ATP8A1: variants seen among roughly 807,000 people sequenced by gnomAD.
ATP8A1 encodes ATPase phospholipid transporting 8A1, also known as phospholipid-transporting ATPase IA.
In ATP8A1, 90 loss-of-function variants were observed where a neutral mutation model predicts 177.7. The observed-to-expected ratio is 0.51, with a 90% CI of 0.43 to 0.60. ATP8A1 has a LOEUF of 0.60. Ranked by LOEUF, ATP8A1 falls within the 20% of genes least tolerant of loss-of-function variation. The pLI, the probability that ATP8A1 is intolerant of heterozygous loss-of-function variation, is 0.00. For missense variants in ATP8A1, 1,072 were observed against 1,392.8 expected (o/e 0.77, Z 3.67); for synonymous variants, 493 against 485.9 (o/e 1.01, Z -0.19).
Position 42,423,691 on chromosome 4 carries a change from G to A in ATP8A1, c.3138C>T (p.Phe1046=). 6.2e-7 allele frequency: 1 copy of A among 1,611,254 alleles called. No individual in the cohort carries two copies. The highest frequency in any genetic ancestry group is 8.5e-7 in the Non-Finnish European group (1 of 1,178,666). ...AGCCCATCCAAAAGACTCCAGAACT[G>A]AACAACATGGCTGCCTGTGTAAATC... ...PDMSGEAAML[F]SSGVFWMGLL... Residue 1046 remains phenylalanine (F), a synonymous_variant, in exon 34 of 37, where the codon TTC becomes TTT. Coordinates refer to ENST00000381668, the MANE Select transcript of ATP8A1 (RefSeq NM_006095.2).
intron 31 of ATP8A1, among the ~76,000 whole-genome samples, chr4:42,445,409 T>C (rs1052623303): frequency 8.5e-5 from 13 of 152,160 alleles, no homozygotes; most frequent in Admixed American, 7.9e-4. Flanking sequence ...GAGATTTTTT[T>C]TTTCTTTTCT....
At chr4:42,606,891 T>A (rs893163838) in intron 5 of ATP8A1, among the ~76,000 whole-genome samples, 1 of 152,216 alleles carries the variant, frequency 6.6e-6, no homozygotes, top group Non-Finnish European at 1.5e-5. Context: ...CACTCCATAC[T>A]TTTACCAGCA....
chr4:42,514,723 G>A (rs1254770713), intron 22 of ATP8A1, among the ~76,000 whole-genome samples: 1 of 152,082 alleles, frequency 6.6e-6, no homozygotes. Context: ...CAGATTATTA[G>A]CATGGGATCT....
intron 30 of ATP8A1, among the ~76,000 whole-genome samples, chr4:42,450,740 A>G (rs1717849309): frequency 6.6e-6 from 1 of 152,186 alleles, no homozygotes; most frequent in African/African-American, 2.4e-5. Context: ...TTCATTCACA[A>G]TTTGCTGAGT....
chr4:42,556,976 A>C (rs1174108018), intron 15 of ATP8A1, among the ~76,000 whole-genome samples: 2 of 152,198 alleles, frequency 1.3e-5, no homozygotes, highest in Non-Finnish European at 1.5e-5. Context: ...TCAGATATCA[A>C]GACTGTCATA....
chr4:42,611,641 T>A (rs1736388135), intron 5 of ATP8A1, among the ~76,000 whole-genome samples: 3 of 152,222 alleles, frequency 2.0e-5, no homozygotes, highest in Admixed American at 2.0e-4. Context: ...GTTGTGATTT[T>A]AGATGAAGTT....
rs1718721521 is a variant in ATP8A1 at position 42,458,428 on chromosome 4, G to C, written c.2620-2829C>G. Among the ~76,000 whole-genome samples, 3 of 152,178 alleles carry C rather than the reference G, an allele frequency of 2.0e-5. No individual in the cohort carries two copies. The South Asian group carries it at 6.2e-4, about 32-fold the overall frequency. On this transcript the variant is annotated intron_variant, in intron 27 of 36. Transcript: ENST00000381668. ...TTTTGAGATCTTCCCAGAAAACTTGGATGTGACCAATCATTTGAAAGGAAA... is the reference window on the plus strand; with the variant it reads ...TTTTGAGATCTTCCCAGAAAACTTGCATGTGACCAATCATTTGAAAGGAAA...
intron 6 of ATP8A1, among the ~76,000 whole-genome samples, chr4:42,598,704 C>T (rs746920012): frequency 2.6e-5 from 4 of 152,116 alleles, no homozygotes; most frequent in East Asian, 3.9e-4. Context: ...CATACACATA[C>T]ATTAAATTTA....
chr4:42,486,116 A>G (rs1003835968), intron 24 of ATP8A1, among the ~76,000 whole-genome samples: 1 of 152,182 alleles, frequency 6.6e-6, no homozygotes, highest in African/African-American at 2.4e-5. Context: ...AACAAAGGAG[A>G]CAGGGTCATT....
At chr4:42,479,266 T>C (rs1258706137) in intron 25 of ATP8A1, among the ~76,000 whole-genome samples, 1 of 152,224 alleles carries the variant, frequency 6.6e-6, no homozygotes, top group Non-Finnish European at 1.5e-5. Context: ...CTGCATGGCC[T>C]GCAAAGCCTA....
intron 22 of ATP8A1, among the ~76,000 whole-genome samples, chr4:42,514,944 G>A (rs371502325): frequency 6.6e-6 from 1 of 152,198 alleles, no homozygotes; most frequent in South Asian, 2.1e-4. Context: ...TGTTGAATAC[G>A]TACTTATGAC....
chr4:42,572,366 A>T (rs1731994869), intron 14 of ATP8A1, among the ~76,000 whole-genome samples: 1 of 152,114 alleles, frequency 6.6e-6, no homozygotes, highest in Non-Finnish European at 1.5e-5. Context: ...GACAGTAATT[A>T]CTCTCTCTCA....
At chr4:42,604,771 A>G (rs1464880045) in intron 5 of ATP8A1, among the ~76,000 whole-genome samples, 4 of 152,228 alleles carry the variant, frequency 2.6e-5, no homozygotes, top group Non-Finnish European at 5.9e-5. Context: ...GGTAGAAACA[A>G]CCCACATGTC....
chr4:42,635,575 C>T (rs971085323), intron 1 of ATP8A1, among the ~76,000 whole-genome samples: 1 of 151,482 alleles, frequency 6.6e-6, no homozygotes, highest in Non-Finnish European at 1.5e-5. Context: ...AACTGCAGAA[C>T]TTAGGTGTGA....
At chr4:42,634,946 T>C (rs1739123531) in intron 1 of ATP8A1, among the ~76,000 whole-genome samples, 2 of 152,160 alleles carry the variant, frequency 1.3e-5, no homozygotes, top group African/African-American at 4.8e-5. Context: ...GCACAATACT[T>C]GTCATTCAAA....
chr4:42,594,483 A>T (rs1346355512), intron 6 of ATP8A1: 1 of 618,986 alleles, frequency 1.6e-6, no homozygotes, highest in Non-Finnish European at 2.9e-6. Context: ...AGAACCACTT[A>T]TCTTCACAAA....
chr4:42,482,334 CAA>C (rs11445014), intron 25 of ATP8A1, among the ~76,000 whole-genome samples: 72 of 145,060 alleles, frequency 5.0e-4, no homozygotes, highest in African/African-American at 1.4e-3. Flanking sequence ...AACAAACAAA[CAA>C]AAAAAAAAAA....
Position 42,455,224 on chromosome 4 carries a change from C to A in ATP8A1, c.2817+73G>T. 3 of 1,576,684 alleles carry A rather than the reference C, an allele frequency of 1.9e-6. No homozygotes were observed. In the African/African-American group the frequency reaches 4.0e-5, roughly 21 times the overall value. On this transcript the variant is annotated intron_variant, in intron 29 of 36. Coordinates refer to ENST00000381668, the MANE Select transcript of ATP8A1 (RefSeq NM_006095.2). The stretch of plus-strand genomic sequence containing the variant: ...TAGTGTATCCTTGGCCTTTGAAAAC[C>A]ACATACCCCATATAATGAGGGCAGT...
intron 1 of ATP8A1, among the ~76,000 whole-genome samples, chr4:42,656,620 C>T (rs555663100): frequency 2.0e-5 from 3 of 152,244 alleles, no homozygotes; most frequent in East Asian, 3.9e-4. Context: ...GGAGAACACC[C>T]ATTCGAGGGT....
Sources: gnomAD v4.1 joint callset for allele counts (sites outside exome capture counted in the v4.1 genomes callset) on GRCh38, gnomAD v4.1.1 for gene constraint, MANE v1.5 for transcripts, NCBI Gene and HGNC (gene_info 2026-07-23, HGNC 2026-07-21) for gene names.